Variants in ERC2 observed in about 807,000 individuals in gnomAD.
ERC2 encodes ELKS/RAB6-interacting/CAST family member 2.
ERC2 carries 42 observed loss-of-function variants against 114.8 expected under a neutral mutation model. That is an observed-to-expected ratio of 0.37 (90% confidence interval 0.29 to 0.47). The LOEUF is 0.47. ERC2 is among the 20% of genes least tolerant of loss of function. ERC2 has a pLI of 0.99. For missense variants in ERC2, 939 were observed against 1,150.7 expected (o/e 0.82, Z 2.66); for synonymous variants, 454 against 425.5 (o/e 1.07, Z -0.82).
intron 12 of ERC2, among the ~76,000 whole-genome samples, chr3:55,966,370 G>C (rs2068749173): frequency 6.6e-6 from 1 of 152,064 alleles, no homozygotes; most frequent in Admixed American, 6.5e-5. Flanking sequence ...GAGCTCCCAG[G>C]GGCAGGGTGG....
intron 4 of ERC2, among the ~76,000 whole-genome samples, chr3:56,169,486 C>A (rs980031732): frequency 1.3e-5 from 2 of 152,132 alleles, no homozygotes; most frequent in African/African-American, 2.4e-5. Context: ...CCCTGCCCTT[C>A]CATTTGTGAT....
intron 13 of ERC2, among the ~76,000 whole-genome samples, chr3:55,923,393 T>C (rs774340130): frequency 2.6e-5 from 4 of 152,046 alleles, no homozygotes; most frequent in African/African-American, 4.8e-5. Context: ...ATGAGGTTAT[T>C]GGTGAGTTAC....
intron 3 of ERC2, among the ~76,000 whole-genome samples, chr3:56,243,420 A>T (rs1371706984): frequency 5.3e-5 from 8 of 152,184 alleles, no homozygotes; most frequent in African/African-American, 1.9e-4. Flanking sequence ...GAATTATTCC[A>T]TCAGGACTTG....
At chr3:55,582,618 T>C (rs1371008882) in intron 17 of ERC2, among the ~76,000 whole-genome samples, 2 of 152,246 alleles carry the variant, frequency 1.3e-5, no homozygotes, top group Admixed American at 6.5e-5. Context: ...GACTACCGAC[T>C]GCCTTTGTAT....
intron 3 of ERC2, among the ~76,000 whole-genome samples, chr3:56,224,793 G>A (rs937167760): frequency 1.3e-5 from 2 of 152,100 alleles, no homozygotes; most frequent in African/African-American, 2.4e-5. Flanking sequence ...GGCCCCAAGA[G>A]ATACTAATCA....
intron 13 of ERC2, among the ~76,000 whole-genome samples, chr3:55,910,613 T>C (rs1465163293): frequency 6.6e-6 from 1 of 152,226 alleles, no homozygotes; most frequent in African/African-American, 2.4e-5. Flanking sequence ...AATTAACAAT[T>C]GCATGGCATT....
intron 17 of ERC2, among the ~76,000 whole-genome samples, chr3:55,525,065 G>T (rs1027014177): frequency 2.0e-5 from 3 of 152,166 alleles, no homozygotes; most frequent in Non-Finnish European, 4.4e-5. Context: ...TTTATCCTCA[G>T]TCCTGACCAA....
intron 3 of ERC2, among the ~76,000 whole-genome samples, chr3:56,206,204 C>CACACACACACACACTCACAT (rs1560372101): frequency 2.5e-5 from 1 of 40,030 alleles, no homozygotes; most frequent in Non-Finnish European, 5.3e-5. Flanking sequence ...CACACACATA[C>CACACACACACACACTCACAT]ACACACACAC....
intron 14 of ERC2, among the ~76,000 whole-genome samples, chr3:55,789,886 A>G (rs2069846133): frequency 6.6e-6 from 1 of 152,194 alleles, no homozygotes; most frequent in Non-Finnish European, 1.5e-5. Context: ...GGCAGCCAGC[A>G]TTGACACCGT....
At position 55,550,045 on chromosome 3, in the gene ERC2, T is replaced by C. The variant is rs139983542; in HGVS notation, c.*40-38769A>G. Among the ~76,000 whole-genome samples the C allele has an allele frequency of 1.8e-3, 280 of 152,262 alleles. 1 individual carries two copies. Among genetic ancestry groups the C allele is most frequent in the Middle Eastern group, 0.017 (5 of 294 alleles). Reference sequence around the variant, plus strand: ...TGCACATTGTCTGGACCATACTCTTTGACAGGACTTCCCACCTGGTCTAGC... The same window carrying C: ...TGCACATTGTCTGGACCATACTCTTCGACAGGACTTCCCACCTGGTCTAGC... On this transcript the variant is annotated intron_variant, in intron 17 of 17. Coordinates refer to ENST00000288221, the MANE Select transcript of ERC2 (RefSeq NM_015576.3).
intron 7 of ERC2, among the ~76,000 whole-genome samples, chr3:56,032,985 A>C (rs1261631561): frequency 4.8e-5 from 4 of 82,654 alleles, no homozygotes; most frequent in African/African-American, 1.5e-4. Flanking sequence ...AAGAGAAAGA[A>C]AGAAAGAAAG....
rs1325489335 is a variant in ERC2, at chr3:55,642,412, G to A, written c.*39+41382C>T. ...TACAGTGGCATGATCTCAGCTCACT[G>A]CAACCTCTGCCCCTGGGGTTCAAGC... On this transcript the variant is annotated intron_variant, in intron 17 of 17. Transcript: ENST00000288221. 4.1e-5 allele frequency among the ~76,000 whole-genome samples: 6 copies of A among 147,312 alleles called. No individual in the cohort carries two copies. The East Asian group carries it at 1.0e-3, about 25-fold the overall frequency.
At chr3:55,636,728 G>C (rs1362319021) in intron 17 of ERC2, among the ~76,000 whole-genome samples, 2 of 152,180 alleles carry the variant, frequency 1.3e-5, no homozygotes, top group South Asian at 4.1e-4. Flanking sequence ...TAAACGAAGA[G>C]GTGTGGCTGT....
intron 14 of ERC2, among the ~76,000 whole-genome samples, chr3:55,816,244 A>ACAT (rs1348988567): frequency 6.6e-6 from 1 of 152,210 alleles, no homozygotes; most frequent in African/African-American, 2.4e-5. Flanking sequence ...TCTCCCTACT[A>ACAT]CATCTCCCTA....
intron 13 of ERC2, among the ~76,000 whole-genome samples, chr3:55,902,533 T>G (rs896891555): frequency 6.6e-6 from 1 of 152,192 alleles, no homozygotes; most frequent in Non-Finnish European, 1.5e-5. Context: ...AGGCACCACA[T>G]GAGCAAGGCT....
chr3:55,637,757 T>C (rs2060017084), intron 17 of ERC2, among the ~76,000 whole-genome samples: 1 of 152,172 alleles, frequency 6.6e-6, no homozygotes, highest in South Asian at 2.1e-4. Flanking sequence ...GCATCGTCAC[T>C]GGCACACTGT....
intron 2 of ERC2, among the ~76,000 whole-genome samples, chr3:56,310,098 T>C (rs910313645): frequency 3.9e-5 from 6 of 152,210 alleles, no homozygotes; most frequent in African/African-American, 1.2e-4. Context: ...CATTTCTGTT[T>C]TGAAGGTCAG....
intron 13 of ERC2, among the ~76,000 whole-genome samples, chr3:55,938,644 T>C (rs2066597188): frequency 6.6e-6 from 1 of 152,214 alleles, no homozygotes; most frequent in Non-Finnish European, 1.5e-5. Flanking sequence ...ACAGTTAACA[T>C]TTTTAAATGT....
chr3:56,149,275 TA>T, intron 4 of ERC2, 143 bp from the exon 5 acceptor site: 9 of 753,474 alleles, frequency 1.2e-5, no homozygotes, highest in East Asian at 2.7e-5. Flanking sequence ...TAGGACAACT[TA>T]TTTTTTTTCA....
Sources: gnomAD v4.1 joint callset for allele counts (sites outside exome capture counted in the v4.1 genomes callset) on GRCh38, gnomAD v4.1.1 for gene constraint, MANE v1.5 for transcripts, NCBI Gene and HGNC (gene_info 2026-07-23, HGNC 2026-07-21) for gene names.